Variants in ADGRA1 observed in about 807,000 individuals in gnomAD.
ADGRA1 encodes the protein adhesion G protein-coupled receptor A1.
In ADGRA1, 12 loss-of-function variants were observed where a neutral mutation model predicts 21.3. The observed-to-expected ratio is 0.56, with a 90% CI of 0.36 to 0.91. ADGRA1 has a LOEUF of 0.91. Ranked by LOEUF, ADGRA1 falls within the 40% of genes least tolerant of loss-of-function variation. The pLI is 0.01. For missense variants in ADGRA1, 790 were observed against 805.6 expected (o/e 0.98, Z 0.23); for synonymous variants, 385 against 368.8 (o/e 1.04, Z -0.50).
intron 5 of ADGRA1, among the ~76,000 whole-genome samples, chr10:133,119,012 T>A (rs534974017): frequency 4.0e-5 from 6 of 149,468 alleles, no homozygotes; most frequent in Non-Finnish European, 7.4e-5. Context: ...CACGTGCACA[T>A]TGAGGCACTT....
Position 133,087,963 on chromosome 10 carries a change from T to C in ADGRA1, c.-378T>C. 4 of 984,332 alleles carry C rather than the reference T, an allele frequency of 4.1e-6. No homozygotes were observed. Among genetic ancestry groups the C allele is most frequent in the Non-Finnish European group, 4.8e-6 (4 of 829,640 alleles). 61.0% of individuals were successfully genotyped at this position (984,332 alleles called of 1,614,324 possible). On this transcript the variant is annotated 5_prime_UTR_variant, in exon 1 of 7. Transcript: ENST00000392607. Reference sequence around the variant, plus strand: ...GCTGCTGGCCGGGCTGGGCCGCTCGTGCGCGGGGCTGTGACTCACCGGCCG... The same window carrying C: ...GCTGCTGGCCGGGCTGGGCCGCTCGCGCGCGGGGCTGTGACTCACCGGCCG...
intron 2 of ADGRA1, among the ~76,000 whole-genome samples, chr10:133,092,371 GA>G (rs1469935107): frequency 6.6e-6 from 1 of 152,184 alleles, no homozygotes. Context: ...TACCAGTCTA[GA>G]AAGAAAGCGT....
At position 133,129,040 on chromosome 10, in the gene ADGRA1, G is replaced by C. The variant is rs768993844; in HGVS notation, c.1212G>C (p.Glu404Asp). The part of the protein sequence containing the change: ...ADEAHVHLQE[E>D]GAFGHDPHLH... ...AGGCGCACGTGCACCTGCAGGAGGA[G>C]GGCGCCTTCGGGCACGACCCCCACC... is the stretch of plus-strand genomic sequence containing the variant. The change falls in exon 7 of 7, where the codon GAG becomes GAC. Residue 404 changes from glutamate (E) to aspartate (D), a missense_variant. By Grantham distance (45) the Glu-to-Asp change is conservative. Around this residue, in one of 3 missense-constraint regions of ADGRA1, gnomAD observed 391 missense variants for 351.5 expected, o/e 1.11. Transcript: ENST00000392607. 5 of 1,556,554 alleles carry C rather than the reference G, an allele frequency of 3.2e-6. No individual in the cohort carries two copies. Among genetic ancestry groups the C allele is most frequent in the Non-Finnish European group, 4.4e-6 (5 of 1,149,194 alleles).
At chr10:133,118,767 A>G (rs1425485275) in intron 5 of ADGRA1, among the ~76,000 whole-genome samples, 2 of 152,218 alleles carry the variant, frequency 1.3e-5, no homozygotes, top group Non-Finnish European at 2.9e-5. Flanking sequence ...GAGCCAAACC[A>G]TATCATGTGC....
chr10:133,115,085 TG>T (rs941342368), intron 5 of ADGRA1, among the ~76,000 whole-genome samples: 1 of 152,076 alleles, frequency 6.6e-6, no homozygotes, highest in Non-Finnish European at 1.5e-5. Flanking sequence ...GCTAGGAGCC[TG>T]GGGGGCTTCA....
Position 133,115,387 on chromosome 10 carries a change from C to T in ADGRA1, c.402-11846C>T, listed in dbSNP as rs947078652. ...GGGGAACCCCAGAGTAAAGGGAAAC[C>T]GACAAGGCCTCTGCACCTGTGAAAG... On this transcript the variant is annotated intron_variant, in intron 5 of 6. Transcript: ENST00000392607. Among the ~76,000 whole-genome samples, 10 of 152,304 alleles carry T rather than the reference C, an allele frequency of 6.6e-5. No individual in the cohort carries two copies. In the East Asian group the frequency reaches 9.7e-4, roughly 15 times the overall value.
chr10:133,095,337 CCT>C (rs1268462211), intron 2 of ADGRA1, among the ~76,000 whole-genome samples: 3 of 152,182 alleles, frequency 2.0e-5, no homozygotes, highest in Non-Finnish European at 4.4e-5. Flanking sequence ...CCCTCAGGGG[CCT>C]CTGTCCAGGG....
intron 2 of ADGRA1, among the ~76,000 whole-genome samples, chr10:133,090,842 A>G (rs555938021): frequency 1.3e-5 from 2 of 152,346 alleles, no homozygotes; most frequent in East Asian, 3.9e-4. Context: ...GGCATGAGTC[A>G]GCCCTGGATT....
intron 5 of ADGRA1, among the ~76,000 whole-genome samples, chr10:133,103,752 G>T (rs554905162): frequency 6.6e-6 from 1 of 152,334 alleles, no homozygotes; most frequent in African/African-American, 2.4e-5. Context: ...GGCCGCGGCC[G>T]TGACCAGGCC....
At position 133,128,634 on chromosome 10, in the gene ADGRA1, C is replaced by T. The variant is rs1183617089; in HGVS notation, c.806C>T (p.Thr269Met). 6.2e-7 allele frequency: 1 copy of T among 1,607,242 alleles called. No homozygotes were observed. Among genetic ancestry groups the T allele is most frequent in the Non-Finnish European group, 8.5e-7 (1 of 1,178,348 alleles). ...AAFTLFLFTATWAFGALAVSQ... is the reference protein window; with the variant it reads ...AAFTLFLFTAMWAFGALAVSQ... ...TTCACGCTGTTCCTGTTCACGGCCA[C>T]GTGGGCCTTCGGGGCGCTGGCGGTG... Residue 269 changes from threonine to methionine, a missense_variant, in exon 7 of 7, where the codon ACG (threonine) becomes ATG (methionine). Coordinates refer to ENST00000392607, the MANE Select transcript of ADGRA1 (RefSeq NM_001083909.3).
Position 133,087,962 on chromosome 10 carries a change from G to C in ADGRA1, c.-379G>C, listed in dbSNP as rs1208699949. The C allele has an allele frequency of 3.0e-6, 3 of 984,870 alleles. No individual in the cohort carries two copies. Among genetic ancestry groups the C allele is most frequent in the Non-Finnish European group, 3.6e-6 (3 of 829,824 alleles). 61.0% of individuals were successfully genotyped at this position (984,870 alleles called of 1,614,324 possible). On this transcript the variant is annotated 5_prime_UTR_variant, in exon 1 of 7. Coordinates refer to ENST00000392607, the MANE Select transcript of ADGRA1 (RefSeq NM_001083909.3). ...CGCTGCTGGCCGGGCTGGGCCGCTC[G>C]TGCGCGGGGCTGTGACTCACCGGCC...
chr10:133,099,007 G>A (rs1219436908), intron 4 of ADGRA1, among the ~76,000 whole-genome samples: 1 of 152,188 alleles, frequency 6.6e-6, no homozygotes, highest in Non-Finnish European at 1.5e-5. Flanking sequence ...GTCCCCAAAA[G>A]GTGCACTGCC....
rs771531450 is a variant in ADGRA1 at position 133,129,049 on chromosome 10, C to T, written c.1221C>T (p.Phe407=). 4 of 1,554,242 alleles carry T rather than the reference C, an allele frequency of 2.6e-6. No individual in the cohort carries two copies. In the East Asian group the frequency reaches 7.2e-5, roughly 28 times the overall value. ...AHVHLQEEGA[F]GHDPHLHGCL... Reference sequence around the variant, plus strand: ...TGCACCTGCAGGAGGAGGGCGCCTTCGGGCACGACCCCCACCTGCACGGGT... The same window carrying T: ...TGCACCTGCAGGAGGAGGGCGCCTTTGGGCACGACCCCCACCTGCACGGGT... Residue 407 remains phenylalanine, a synonymous_variant, in exon 7 of 7, where the codon TTC becomes TTT. Coordinates refer to ENST00000392607, the MANE Select transcript of ADGRA1 (RefSeq NM_001083909.3).
intron 5 of ADGRA1, among the ~76,000 whole-genome samples, chr10:133,112,565 C>T (rs1185790251): frequency 1.4e-5 from 2 of 144,476 alleles, no homozygotes; most frequent in East Asian, 2.1e-4. Flanking sequence ...TGGGCCGCAT[C>T]GGTTATTTGA....
At position 133,129,263 on chromosome 10, in the gene ADGRA1, C is replaced by T. The variant is rs1462172756; in HGVS notation, c.1435C>T (p.Pro479Ser). Residue 479 changes from proline (P) to serine (S), a missense_variant, in exon 7 of 7, where the codon CCC becomes TCC. Pro to Ser is a moderately conservative substitution (Grantham distance 74). Around this residue, in one of 3 missense-constraint regions of ADGRA1, gnomAD observed 391 missense variants for 351.5 expected, o/e 1.11. Coordinates refer to ENST00000392607, the MANE Select transcript of ADGRA1 (RefSeq NM_001083909.3). ...CTGCTGCACCCAGGGCGACCCCTTC[C>T]CCATGGTCACCCAGCCCGAGGGCAG... ...LACCTQGDPFPMVTQPEGSDG... is the reference protein window; with the variant it reads ...LACCTQGDPFSMVTQPEGSDG... 5 of 1,549,674 alleles carry T rather than the reference C, an allele frequency of 3.2e-6. No homozygotes were observed. Among genetic ancestry groups the T allele is most frequent in the Non-Finnish European group, 4.4e-6 (5 of 1,147,048 alleles).
At chr10:133,112,566 GGTTA>G (rs1852064940) in intron 5 of ADGRA1, among the ~76,000 whole-genome samples, 1 of 129,448 alleles carries the variant, frequency 7.7e-6, no homozygotes, top group Non-Finnish European at 1.6e-5. Context: ...GGGCCGCATC[GGTTA>G]TTTGAGGTCT....
At chr10:133,122,438 C>T (rs549668859) in intron 5 of ADGRA1, among the ~76,000 whole-genome samples, 45 of 152,288 alleles carry the variant, frequency 3.0e-4, no homozygotes, top group African/African-American at 8.9e-4. Flanking sequence ...AGGCTGGGCA[C>T]GGGGCCGAGG....
At chr10:133,095,740 A>G in intron 2 of ADGRA1, 1 of 1,598,506 alleles carries the variant, frequency 6.3e-7, no homozygotes, top group Non-Finnish European at 8.5e-7. Flanking sequence ...GGAGGGAAGC[A>G]GGAGCTCTCG....
chr10:133,098,563 C>G (rs1443203747), intron 3 of ADGRA1, 77 bp from the exon 4 acceptor site: 1 of 1,522,822 alleles, frequency 6.6e-7, no homozygotes, highest in African/African-American at 1.4e-5. Context: ...ACAGAGCCTG[C>G]GCCCCAGGGG....
Sources: allele counts gnomAD v4.1 joint callset (sites outside exome capture counted in the v4.1 genomes callset), GRCh38; gene constraint gnomAD v4.1.1; regional missense constraint gnomAD v4.1.1; transcripts MANE v1.5; gene names NCBI Gene and HGNC (gene_info 2026-07-23, HGNC 2026-07-21).